The following COL13A1 variants were observed in gnomAD, a reference collection of about 807,000 sequenced individuals.
The protein encoded by COL13A1 is collagen alpha-1(XIII) chain.
COL13A1 carries 89 observed loss-of-function variants against 130.9 expected under a neutral mutation model. The ratio of observed to expected loss-of-function variants is 0.68; its 90% CI spans 0.57 to 0.81. COL13A1 has a LOEUF of 0.81. Among genes scored for constraint, COL13A1 ranks in the 30% least tolerant of loss-of-function variants. The probability of loss-of-function intolerance (pLI) is 0.00; values close to 1 mark genes in which losing one functional copy is unlikely to be tolerated. For missense variants in COL13A1, 879 were observed against 934.6 expected, an observed-to-expected ratio of 0.94 and a Z score of 0.78; for synonymous variants, 402 against 341.6, an observed-to-expected ratio of 1.18 and a Z score of -1.95.
At chr10:69,845,195 C>CT (rs61125163) in intron 2 of COL13A1, among the ~76,000 whole-genome samples, 77 of 139,310 alleles carry the variant, frequency 5.5e-4, no homozygotes, top group African/African-American at 1.3e-3. Flanking sequence ...TTTTCTTTTT[C>CT]TTTTTTTTTT....
At chr10:69,909,099 G>T (rs542873368) in intron 17 of COL13A1, among the ~76,000 whole-genome samples, 2 of 152,260 alleles carry the variant, frequency 1.3e-5, no homozygotes, top group East Asian at 3.9e-4. Context: ...GACAGAGTTG[G>T]CTCCATAGCC....
At chr10:69,940,914 T>TC (rs2067535438) in intron 34 of COL13A1, 74 bp from the exon 35 acceptor site, 1 of 1,602,366 alleles carries the variant, frequency 6.2e-7, no homozygotes, top group Non-Finnish European at 8.5e-7. Context: ...ACCTCTTCCC[T>TC]CCCCATTGTT....
At chr10:69,900,277 C>T (rs2062055064) in intron 14 of COL13A1, among the ~76,000 whole-genome samples, 1 of 152,244 alleles carries the variant, frequency 6.6e-6, no homozygotes, top group Admixed American at 6.5e-5. Context: ...TGAGCCCTCA[C>T]TGGGTTCCAG....
chr10:69,873,148 A>T (rs968028099), intron 4 of COL13A1, among the ~76,000 whole-genome samples: 2 of 152,212 alleles, frequency 1.3e-5, no homozygotes, highest in African/African-American at 4.8e-5. Flanking sequence ...GGCTGGCACC[A>T]GTCTGCCCTG....
chr10:69,926,715 G>T (rs1162939198), intron 26 of COL13A1, among the ~76,000 whole-genome samples: 2 of 152,222 alleles, frequency 1.3e-5, no homozygotes, highest in East Asian at 1.9e-4. Context: ...TCTGGGAGAA[G>T]AGGAAAGAAC....
intron 1 of COL13A1, among the ~76,000 whole-genome samples, chr10:69,809,452 C>T (rs536003359): frequency 6.6e-6 from 1 of 152,312 alleles, no homozygotes; most frequent in African/African-American, 2.4e-5. Context: ...CACAATAATC[C>T]TATGAAGTGG....
At chr10:69,803,047 C>T (rs905110544) in intron 1 of COL13A1, among the ~76,000 whole-genome samples, 1 of 152,174 alleles carries the variant, frequency 6.6e-6, no homozygotes, top group Non-Finnish European at 1.5e-5. Context: ...TCCTCCCTTT[C>T]GGGACCCGGC....
intron 1 of COL13A1, among the ~76,000 whole-genome samples, chr10:69,806,915 G>A (rs1199585673): frequency 6.6e-6 from 1 of 152,206 alleles, no homozygotes; most frequent in Non-Finnish European, 1.5e-5. Context: ...GGCTAAGGCA[G>A]GAGAATTGCT....
chr10:69,922,573 G>A, intron 22 of COL13A1, 135 bp from the exon 23 acceptor site: 1 of 546,170 alleles, frequency 1.8e-6, no homozygotes, highest in Non-Finnish European at 3.2e-6. Context: ...TCCCACAGCT[G>A]GATCAGATAA....
rs181770708 is a variant in COL13A1, at chr10:69,959,083, G to A, written c.*382G>A. The A allele has an allele frequency of 1.0e-5, 2 of 190,754 alleles. No individual in the cohort carries two copies. The highest frequency in any genetic ancestry group is 1.3e-4 in the East Asian group (1 of 7,436). 11.8% of individuals were successfully genotyped at this position (190,754 alleles called of 1,614,324 possible). ...GTCCATGATATTTGCTAAGCTAGGT[G>A]TGTCTAAGAGTATTTTAAACCCTTA... is the stretch of plus-strand genomic sequence containing the variant. On this transcript the variant is annotated 3_prime_UTR_variant, in exon 41 of 41. Coordinates refer to ENST00000645393, the MANE Select transcript of COL13A1 (RefSeq NM_001368882.1).
At chr10:69,930,137 G>A (rs1272556832) in intron 29 of COL13A1, 50 bp downstream of exon 29, 1 of 1,583,384 alleles carries the variant, frequency 6.3e-7, no homozygotes, top group Non-Finnish European at 8.7e-7. Flanking sequence ...TCTTGGCCCT[G>A]GGGGCAGGAG....
intron 26 of COL13A1, 93 bp downstream of exon 26, chr10:69,925,965 G>A: frequency 9.2e-7 from 1 of 1,089,460 alleles, no homozygotes; most frequent in Non-Finnish European, 1.4e-6. Flanking sequence ...CAGCCGAGTA[G>A]GGGCCCTGCC....
chr10:69,888,666 T>C (rs10999012), intron 9 of COL13A1, among the ~76,000 whole-genome samples: 25,361 of 151,978 alleles, frequency 0.17, 2,372 homozygotes, highest in African/African-American at 0.23. Flanking sequence ...CTGAAGAGCC[T>C]GGCCACTCAT....
intron 16 of COL13A1, among the ~76,000 whole-genome samples, 199 bp downstream of exon 16, chr10:69,905,158 C>G (rs1172303325): frequency 1.3e-5 from 2 of 152,210 alleles, no homozygotes; most frequent in Non-Finnish European, 2.9e-5. Context: ...TTCTTGGGTG[C>G]TCACGCCAAT....
chr10:69,908,778 T>C (rs551231118), intron 17 of COL13A1, among the ~76,000 whole-genome samples: 1 of 152,230 alleles, frequency 6.6e-6, no homozygotes, highest in African/African-American at 2.4e-5. Context: ...GCACTTCCGG[T>C]CCCCAGGAAG....
At chr10:69,946,384 G>C (rs2068538835) in intron 37 of COL13A1, among the ~76,000 whole-genome samples, 1 of 152,204 alleles carries the variant, frequency 6.6e-6, no homozygotes, top group Admixed American at 6.5e-5. Flanking sequence ...GAGGCTTCAT[G>C]AGCGGAGCAG....
chr10:69,890,312 G>A (rs967055109), intron 10 of COL13A1, among the ~76,000 whole-genome samples: 1 of 152,164 alleles, frequency 6.6e-6, no homozygotes, highest in Non-Finnish European at 1.5e-5. Context: ...CCACACTGTG[G>A]AGTGTATTTT....
intron 10 of COL13A1, among the ~76,000 whole-genome samples, chr10:69,890,872 T>C (rs191992262): frequency 2.0e-5 from 3 of 152,346 alleles, no homozygotes; most frequent in African/African-American, 7.2e-5. Flanking sequence ...AAACCAAGGC[T>C]CAGAGAGTCT....
chr10:69,838,932 C>G (rs1196703484), intron 2 of COL13A1, among the ~76,000 whole-genome samples: 1 of 152,246 alleles, frequency 6.6e-6, no homozygotes, highest in African/African-American at 2.4e-5. Context: ...TGTGAAGCCC[C>G]ATTGAAAGTG....
Sources: allele counts gnomAD v4.1 joint callset (sites outside exome capture counted in the v4.1 genomes callset), GRCh38; gene constraint gnomAD v4.1.1; transcripts MANE v1.5; gene names NCBI Gene and HGNC (gene_info 2026-07-23, HGNC 2026-07-21).